The following KIAA0319L variants were observed in gnomAD, a reference collection of about 807,000 sequenced individuals.
KIAA0319L encodes KIAA0319 like.
KIAA0319L carries 55 observed loss-of-function variants against 120.1 expected under a neutral mutation model. The ratio of observed to expected loss-of-function variants is 0.46; its 90% confidence interval spans 0.37 to 0.57. KIAA0319L has a LOEUF of 0.57. KIAA0319L is among the 20% of genes least tolerant of loss of function. The pLI, the probability that KIAA0319L is intolerant of heterozygous loss-of-function variation, is 0.00. For synonymous variants in KIAA0319L, 398 were observed against 471.9 expected, an observed-to-expected ratio of 0.84 and a Z score of 2.03; for missense variants, 1,049 against 1,255.3, an observed-to-expected ratio of 0.84 and a Z score of 2.48.
At chr1:35,491,960 C>T (rs1644610513) in intron 3 of KIAA0319L, among the ~76,000 whole-genome samples, 1 of 152,176 alleles carries the variant, frequency 6.6e-6, no homozygotes. Flanking sequence ...AAGAAAGAGA[C>T]AGCCTACATA....
chr1:35,555,776 A>T (rs538681601), intron 1 of KIAA0319L, among the ~76,000 whole-genome samples: 1 of 152,378 alleles, frequency 6.6e-6, no homozygotes, highest in Admixed American at 6.5e-5. Context: ...AAAGGATTTA[A>T]AACTCAAGGT....
chr1:35,442,391 T>G (rs1570610206), intron 18 of KIAA0319L, 55 bp from the exon 19 acceptor site: 2 of 1,343,554 alleles, frequency 1.5e-6, no homozygotes, highest in Non-Finnish European at 2.1e-6. Flanking sequence ...GGGAGGGAGG[T>G]CTGGGCTGCT....
At chr1:35,458,120 T>G (rs1642619232) in intron 9 of KIAA0319L, among the ~76,000 whole-genome samples, 1 of 152,158 alleles carries the variant, frequency 6.6e-6, no homozygotes, top group Admixed American at 6.5e-5. Flanking sequence ...GTATTTTTAG[T>G]AGAGACGGGG....
chr1:35,489,914 G>A (rs750987770), intron 3 of KIAA0319L, among the ~76,000 whole-genome samples: 8 of 151,802 alleles, frequency 5.3e-5, no homozygotes, highest in Non-Finnish European at 7.4e-5. Context: ...TGATCTGCCC[G>A]CCTCAGCCTC....
At chr1:35,475,071 C>A (rs1459342863) in intron 4 of KIAA0319L, among the ~76,000 whole-genome samples, 165 bp from the exon 5 acceptor site, 1 of 152,116 alleles carries the variant, frequency 6.6e-6, no homozygotes, top group Non-Finnish European at 1.5e-5. Flanking sequence ...TCTGTCCCCA[C>A]TTTTCCATTG....
chr1:35,549,186 G>A (rs181563725), intron 2 of KIAA0319L, among the ~76,000 whole-genome samples: 213 of 152,074 alleles, frequency 1.4e-3, no homozygotes, highest in African/African-American at 5.0e-3. Flanking sequence ...GAGTAGCTAG[G>A]ACTACAGGTG....
chr1:35,505,093 T>C (rs1298838671), intron 3 of KIAA0319L, among the ~76,000 whole-genome samples: 3 of 152,206 alleles, frequency 2.0e-5, no homozygotes, highest in Middle Eastern at 3.2e-3. Flanking sequence ...TAGGTGCCTG[T>C]TGGATGCTTT....
At chr1:35,478,751 G>A (rs1644014643) in intron 4 of KIAA0319L, among the ~76,000 whole-genome samples, 1 of 152,202 alleles carries the variant, frequency 6.6e-6, no homozygotes, top group South Asian at 2.1e-4. Flanking sequence ...ATCTGGATCT[G>A]TGAAAATTAG....
At chr1:35,535,440 T>A (rs886585725) in intron 2 of KIAA0319L, among the ~76,000 whole-genome samples, 1 of 152,160 alleles carries the variant, frequency 6.6e-6, no homozygotes, top group African/African-American at 2.4e-5. Flanking sequence ...AATCTGTGGT[T>A]AAAGCTTTAG....
At chr1:35,459,942 G>A (rs1035727970) in intron 9 of KIAA0319L, among the ~76,000 whole-genome samples, 2 of 152,090 alleles carry the variant, frequency 1.3e-5, no homozygotes, top group African/African-American at 4.8e-5. Flanking sequence ...ATTTTCCAAA[G>A]GGAAGAAAAA....
At chr1:35,495,790 C>A (rs566412074) in intron 3 of KIAA0319L, among the ~76,000 whole-genome samples, 1 of 145,504 alleles carries the variant, frequency 6.9e-6, no homozygotes, top group Non-Finnish European at 1.5e-5. Flanking sequence ...ATAACTGAGA[C>A]TACAAGTGTG....
At chr1:35,529,326 T>C (rs1646273146) in intron 2 of KIAA0319L, among the ~76,000 whole-genome samples, 1 of 152,244 alleles carries the variant, frequency 6.6e-6, no homozygotes, top group Admixed American at 6.5e-5. Flanking sequence ...CTTTTGTTCC[T>C]TTCTTATTGT....
intron 2 of KIAA0319L, among the ~76,000 whole-genome samples, chr1:35,530,605 G>A (rs1462341751): frequency 1.3e-5 from 2 of 152,000 alleles, no homozygotes; most frequent in African/African-American, 4.8e-5. Context: ...TCTGTTATTG[G>A]AGAATTATTG....
rs1200509657 is a variant in KIAA0319L at position 35,453,453 on chromosome 1, T to C, written c.1913+104A>G. 1.6e-5 allele frequency: 17 copies of C among 1,038,760 alleles called. No individual in the cohort carries two copies. The highest frequency in any genetic ancestry group is 2.4e-5 in the Non-Finnish European group (17 of 701,588). 64.3% of individuals were successfully genotyped at this position (1,038,760 alleles called of 1,614,324 possible). A position where few individuals can be genotyped will look rare whatever the true frequency, so the allele number is the denominator to read the frequency against. ...AACATTTCTTCCTCAGTCACCCCAC[T>C]GGATAAGCCAATAAGAGCAACTCAA... is the stretch of plus-strand genomic sequence containing the variant. On this transcript the variant is annotated intron_variant, in intron 12 of 20. Coordinates refer to ENST00000325722, the MANE Select transcript of KIAA0319L (RefSeq NM_024874.5). This position sits in a 1 kb window ranked among gnomAD's most constrained non-coding sequence, Gnocchi z 4.1.
In KIAA0319L at chr1:35,443,030, TGA is replaced by T. The variant is rs1641340429; in HGVS notation, c.2657-4_2657-3del. 2 of 1,614,136 alleles carry T rather than the reference TGA, an allele frequency of 1.2e-6. No individual in the cohort carries two copies. Among genetic ancestry groups the T allele is most frequent in the Admixed American group, 1.7e-5 (1 of 60,026 alleles). Reference sequence around the variant, plus strand: ...GGTCGGAACAGTTCAGCTGACATGCTGAGAGTGGCAGCAAAGGGAAGAAAGTC... The same window carrying T: ...GGTCGGAACAGTTCAGCTGACATGCTGAGTGGCAGCAAAGGGAAGAAAGTC... On this transcript the variant is annotated splice_polypyrimidine_tract_variant and splice_region_variant and intron_variant, in intron 17 of 20. Transcript: ENST00000325722.
At chr1:35,525,935 CTA>C (rs142843122) in intron 2 of KIAA0319L, among the ~76,000 whole-genome samples, 1,729 of 152,098 alleles carry the variant, frequency 0.011, 13 homozygotes, top group Non-Finnish European at 0.017. Flanking sequence ...AGTGTTTCCC[CTA>C]TGTTTCTTCC....
intron 3 of KIAA0319L, among the ~76,000 whole-genome samples, chr1:35,491,469 G>C (rs1293810895): frequency 6.6e-6 from 1 of 152,018 alleles, no homozygotes; most frequent in Non-Finnish European, 1.5e-5. Flanking sequence ...AAAGAAACAT[G>C]ATATATGTGG....
At chr1:35,521,860 C>G (rs1184767661) in intron 2 of KIAA0319L, among the ~76,000 whole-genome samples, 1 of 151,302 alleles carries the variant, frequency 6.6e-6, no homozygotes, top group Non-Finnish European at 1.5e-5. Flanking sequence ...GTAGTCCCAG[C>G]TATCTGGGAC....
chr1:35,502,715 G>A (rs533457708), intron 3 of KIAA0319L, among the ~76,000 whole-genome samples: 20 of 152,218 alleles, frequency 1.3e-4, no homozygotes, highest in African/African-American at 4.6e-4. Context: ...CCATTCCTCT[G>A]ACATCTGCTT....
Sources: gnomAD v4.1 joint callset for allele counts (sites outside exome capture counted in the v4.1 genomes callset) on GRCh38, gnomAD v4.1.1 for gene constraint, Gnocchi (gnomAD v3.1) non-coding constraint, MANE v1.5 for transcripts, NCBI Gene and HGNC (gene_info 2026-07-23, HGNC 2026-07-21) for gene names.